Variants in TP63 observed in about 807,000 individuals in gnomAD.
TP63 encodes tumor protein 63.
In TP63, 17 loss-of-function variants were observed where a neutral mutation model predicts 82.8. That is an observed-to-expected ratio of 0.21 (90% confidence interval 0.14 to 0.31). TP63 has a LOEUF of 0.31. TP63 is among the 10% of genes least tolerant of loss of function. TP63 has a pLI of 1.00. For synonymous variants in TP63, 330 were observed against 321.7 expected (o/e 1.03, Z -0.28); for missense variants, 648 against 895.3 (o/e 0.72, Z 3.52).
chr3:189,597,625 T>C, the TP63 span, among the ~76,000 whole-genome samples: 1 of 152,184 alleles, frequency 6.6e-6, no homozygotes, highest in Non-Finnish European at 1.5e-5. Context: ...TATGAGAAAC[T>C]TAAAAATAGC....
chr3:189,714,209 T>G (rs904297045), intron 1 of TP63, among the ~76,000 whole-genome samples: 4 of 152,124 alleles, frequency 2.6e-5, no homozygotes, highest in African/African-American at 9.7e-5. Flanking sequence ...AAGGTGGACT[T>G]TGGGAAAGGT....
At chr3:189,784,871 G>T (rs955882692) in intron 3 of TP63, among the ~76,000 whole-genome samples, 8 of 152,024 alleles carry the variant, frequency 5.3e-5, no homozygotes, top group Non-Finnish European at 8.8e-5. Flanking sequence ...TGAGGCAGGA[G>T]AGGAAGGTAA....
intron 3 of TP63, among the ~76,000 whole-genome samples, chr3:189,775,002 G>A (rs1280761301): frequency 1.3e-5 from 2 of 152,154 alleles, no homozygotes; most frequent in East Asian, 1.9e-4. Flanking sequence ...CAGATCACGA[G>A]TTCAGGAGTT....
At chr3:189,789,608 G>C (rs1724914436) in intron 3 of TP63, 1 of 1,292,090 alleles carries the variant, frequency 7.7e-7, no homozygotes, top group Admixed American at 4.1e-5. Context: ...GAAGAGTCCC[G>C]CCTCCTCATG....
the TP63 span, among the ~76,000 whole-genome samples, chr3:189,613,167 G>A: frequency 6.6e-6 from 1 of 152,106 alleles, no homozygotes; most frequent in Admixed American, 6.5e-5. Context: ...GGCCTTTATG[G>A]CAGCTCCCCC....
At chr3:189,643,225 T>C (rs1034870029) in intron 1 of TP63, among the ~76,000 whole-genome samples, 1 of 152,084 alleles carries the variant, frequency 6.6e-6, no homozygotes, top group Non-Finnish European at 1.5e-5. Context: ...GGTCTCGAAC[T>C]CCTGACCCCA....
chr3:189,645,458 T>A (rs906843056), intron 1 of TP63: 44 of 291,202 alleles, frequency 1.5e-4, no homozygotes, highest in African/African-American at 8.7e-4. Context: ...TTATATGATC[T>A]TCTTTTTTAA....
At chr3:189,636,625 C>T (rs1241371302) in intron 1 of TP63, among the ~76,000 whole-genome samples, 1 of 152,216 alleles carries the variant, frequency 6.6e-6, no homozygotes, top group African/African-American at 2.4e-5. Context: ...AAAACCGCCA[C>T]CAATCTTCTA....
chr3:189,820,540 G>C (rs1728695844), intron 4 of TP63, among the ~76,000 whole-genome samples: 1 of 152,102 alleles, frequency 6.6e-6, no homozygotes, highest in South Asian at 2.1e-4. Flanking sequence ...GACACTTTGA[G>C]TTTAGGGGTG....
chr3:189,662,814 T>C (rs1714040373), intron 1 of TP63, among the ~76,000 whole-genome samples: 1 of 152,072 alleles, frequency 6.6e-6, no homozygotes, highest in African/African-American at 2.4e-5. Context: ...TTTTAGTTTC[T>C]TAAACATTTG....
chr3:189,609,137 A>G, the TP63 span, among the ~76,000 whole-genome samples: 1 of 152,120 alleles, frequency 6.6e-6, no homozygotes, highest in Non-Finnish European at 1.5e-5. Flanking sequence ...CACACCATAA[A>G]TAAGAAATCA....
At chr3:189,862,104 G>T (rs1717114831) in intron 4 of TP63, among the ~76,000 whole-genome samples, 1 of 152,148 alleles carries the variant, frequency 6.6e-6, no homozygotes, top group African/African-American at 2.4e-5. Flanking sequence ...AATAATGTTT[G>T]ATCTTATGGT....
chr3:189,728,877 A>G (rs1181243874), intron 1 of TP63, among the ~76,000 whole-genome samples: 2 of 152,150 alleles, frequency 1.3e-5, no homozygotes, highest in Non-Finnish European at 2.9e-5. Context: ...CCCTTGACAC[A>G]TGGGGATTAT....
intron 1 of TP63, among the ~76,000 whole-genome samples, chr3:189,639,699 G>A (rs965155883): frequency 2.0e-5 from 3 of 152,084 alleles, no homozygotes; most frequent in Non-Finnish European, 4.4e-5. Context: ...TGTTAAGACT[G>A]AGAAAGCATT....
chr3:189,850,228 G>T (rs1210874683), intron 4 of TP63, among the ~76,000 whole-genome samples: 1 of 152,076 alleles, frequency 6.6e-6, no homozygotes, highest in Non-Finnish European at 1.5e-5. Context: ...GTTGCAGGGA[G>T]CCAAGATCAT....
chr3:189,705,767 TAAGATTTTTTGTATGTCA>T (rs1157416814), intron 1 of TP63, among the ~76,000 whole-genome samples: 2 of 152,178 alleles, frequency 1.3e-5, no homozygotes, highest in African/African-American at 4.8e-5. Flanking sequence ...CAGGTGTGTT[TAAGATTTTTTGTATGTCA>T]AAAGGTAGAA....
rs566483392 is a variant in TP63 at position 189,694,648 on chromosome 3, C to A, written c.63-43092C>A. ...CAACACATTATATTAAGGGTACATA[C>A]TATCAACATGAATTTTCACTGTTGA... On this transcript the variant is annotated intron_variant, in intron 1 of 13. Transcript: ENST00000264731. 2.0e-5 allele frequency among the ~76,000 whole-genome samples: 3 copies of A among 152,156 alleles called. No homozygotes were observed. In the South Asian group the frequency reaches 6.3e-4, roughly 32 times the overall value.
At chr3:189,657,096 C>G (rs146166332) in intron 1 of TP63, among the ~76,000 whole-genome samples, 5,821 of 150,802 alleles carry the variant, frequency 0.039, 142 homozygotes, top group Middle Eastern at 0.056. Flanking sequence ...AGTCTTCATA[C>G]TGTATGATTG....
chr3:189,789,507 G>A (rs1031855542), intron 3 of TP63, among the ~76,000 whole-genome samples: 4 of 151,464 alleles, frequency 2.6e-5, no homozygotes, highest in Admixed American at 2.0e-4. Context: ...TTGGTGATAA[G>A]GAATTCTAAC....
Sources: gnomAD v4.1 joint callset for allele counts (sites outside exome capture counted in the v4.1 genomes callset) on GRCh38, gnomAD v4.1.1 for gene constraint, MANE v1.5 for transcripts, NCBI Gene and HGNC (gene_info 2026-07-23, HGNC 2026-07-21) for gene names.